Variants in ARHGEF10 observed in about 807,000 individuals in gnomAD.
ARHGEF10 encodes Rho guanine nucleotide exchange factor 10, also known as Rho guanine nucleotide exchange factor (GEF) 10.
In ARHGEF10, 140 loss-of-function variants were observed where a neutral mutation model predicts 147.4. The ratio of observed to expected loss-of-function variants is 0.95; its 90% CI spans 0.83 to 1.09. The LOEUF (loss-of-function observed/expected upper bound fraction) is 1.09, where lower values mean the gene tolerates loss of function less well. ARHGEF10 is among the 50% of genes least tolerant of loss of function. The pLI, the probability that ARHGEF10 is intolerant of heterozygous loss-of-function variation, is 0.00. For synonymous variants in ARHGEF10, 902 were observed against 695.8 expected, an observed-to-expected ratio of 1.30 and a Z score of -4.67; for missense variants, 2,222 against 1,752.7, an observed-to-expected ratio of 1.27 and a Z score of -4.78.
rs1232283984 is a variant in ARHGEF10 at position 1,957,175 on chromosome 8, G to A, written c.3947G>A (p.Arg1316His). 23 of 1,612,374 alleles carry A rather than the reference G, an allele frequency of 1.4e-5. No individual in the cohort carries two copies. The highest frequency in any genetic ancestry group is 1.8e-5 in the Non-Finnish European group (21 of 1,179,982). The change falls in exon 29 of 29, where the codon CGC becomes CAC. Residue 1316 changes from arginine to histidine, a missense_variant. Coordinates refer to ENST00000349830, the MANE Select transcript of ARHGEF10 (RefSeq NM_014629.4). Reference sequence around the variant, plus strand: ...GTGGTCTGTGGAGGGCAGGGCCACCGCCGGGTGCACAGGAAGGCCCGGCAG... The same window carrying A: ...GTGGTCTGTGGAGGGCAGGGCCACCACCGGGTGCACAGGAAGGCCCGGCAG... ...ALVVCGGQGH[R>H]RVHRKARQPH... is the part of the protein sequence containing the mutation.
chr8:1,918,922 A>C (rs773595610), intron 18 of ARHGEF10, among the ~76,000 whole-genome samples: 2 of 146,352 alleles, frequency 1.4e-5, no homozygotes, highest in East Asian at 4.1e-4. Flanking sequence ...GTGTTCTGTG[A>C]GTGATGGAGT....
Position 1,925,312 on chromosome 8 carries a change from G to C in ARHGEF10, c.2518G>C (p.Val840Leu), listed in dbSNP as rs1482523678. Residue 840 changes from valine (V) to leucine (L), a missense_variant, in exon 22 of 29, where the codon GTG becomes CTG. Val to Leu is a conservative substitution (Grantham distance 32, BLOSUM62 1). Coordinates refer to ENST00000349830, the MANE Select transcript of ARHGEF10 (RefSeq NM_014629.4). The stretch of plus-strand genomic sequence containing the variant: ...GGAGAACCACATGGGCTGGTTCTGT[G>C]TGGAAGACGATGGGAATCACATTAA... ...EEENHMGWFC[V>L]EDDGNHIKKE... 2 of 1,614,220 alleles carry C rather than the reference G, an allele frequency of 1.2e-6. No homozygotes were observed. The highest frequency in any genetic ancestry group is 3.3e-5 in the Admixed American group (2 of 60,036).
intron 2 of ARHGEF10, among the ~76,000 whole-genome samples, chr8:1,855,765 A>G (rs1805504251): frequency 6.6e-6 from 1 of 152,166 alleles, no homozygotes. Context: ...TTTATTTGGC[A>G]AACATGATTT....
chr8:1,860,687 G>A (rs1806056804), intron 4 of ARHGEF10, among the ~76,000 whole-genome samples: 1 of 152,150 alleles, frequency 6.6e-6, no homozygotes, highest in African/African-American at 2.4e-5. Context: ...CATGTCTGGG[G>A]TGCCTTGAAC....
intron 4 of ARHGEF10, among the ~76,000 whole-genome samples, chr8:1,860,399 C>T (rs1037332920): frequency 6.8e-6 from 1 of 147,676 alleles, no homozygotes; most frequent in Non-Finnish European, 1.5e-5. Context: ...CCCCCCTCCT[C>T]CTCCTCTCCA....
chr8:1,879,401 G>T (rs909755062), intron 8 of ARHGEF10, among the ~76,000 whole-genome samples: 1 of 152,080 alleles, frequency 6.6e-6, no homozygotes, highest in Non-Finnish European at 1.5e-5. Context: ...TTATTTATTG[G>T]ATAATTTTTA....
chr8:1,837,881 A>G (rs1286731934), intron 1 of ARHGEF10, among the ~76,000 whole-genome samples: 1 of 152,120 alleles, frequency 6.6e-6, no homozygotes, highest in Non-Finnish European at 1.5e-5. Context: ...CCTCATGGTG[A>G]GTCAAGGTGG....
At chr8:1,854,646 T>A (rs560984873) in intron 2 of ARHGEF10, among the ~76,000 whole-genome samples, 1 of 152,174 alleles carries the variant, frequency 6.6e-6, no homozygotes, top group Non-Finnish European at 1.5e-5. Context: ...AGATTTAAAC[T>A]TTTGGAGGAA....
intron 12 of ARHGEF10, 56 bp downstream of exon 12, chr8:1,893,702 T>C (rs922088647): frequency 1.5e-5 from 20 of 1,347,460 alleles, no homozygotes; most frequent in Non-Finnish European, 2.1e-5. Flanking sequence ...TTTTTACCTA[T>C]ATACATTTTG....
chr8:1,885,311 C>A (rs1808563881), intron 10 of ARHGEF10, among the ~76,000 whole-genome samples: 1 of 152,116 alleles, frequency 6.6e-6, no homozygotes, highest in Non-Finnish European at 1.5e-5. Flanking sequence ...CACTAAGATT[C>A]CAAAATATTG....
At chr8:1,834,956 C>T (rs1000226851) in intron 1 of ARHGEF10, among the ~76,000 whole-genome samples, 2 of 152,234 alleles carry the variant, frequency 1.3e-5, no homozygotes, top group African/African-American at 4.8e-5. Flanking sequence ...GGGGCCACTT[C>T]ACCCCCAGGT....
intron 25 of ARHGEF10, among the ~76,000 whole-genome samples, chr8:1,930,868 C>G (rs1813082974): frequency 6.6e-6 from 1 of 152,240 alleles, no homozygotes. Context: ...CCTGTCTCGT[C>G]CCTCAGCCAT....
intron 11 of ARHGEF10, among the ~76,000 whole-genome samples, chr8:1,886,161 A>G (rs1379135695): frequency 6.6e-6 from 1 of 152,204 alleles, no homozygotes; most frequent in Non-Finnish European, 1.5e-5. Context: ...TAAAAATCTG[A>G]TACTCAGTAG....
chr8:1,913,596 ATCTACCTGGTCCAATACCAGCG>A (rs1387334305), intron 18 of ARHGEF10, among the ~76,000 whole-genome samples: 1 of 152,202 alleles, frequency 6.6e-6, no homozygotes, highest in African/African-American at 2.4e-5. Flanking sequence ...TTGGACCAGC[ATCTACCTGGTCCAATACCAGCG>A]TCCCGTCCCT....
intron 18 of ARHGEF10, among the ~76,000 whole-genome samples, chr8:1,919,079 A>C (rs1227125459): frequency 2.4e-5 from 3 of 124,140 alleles, no homozygotes; most frequent in Non-Finnish European, 3.3e-5. Context: ...GAGCTGTTCC[A>C]GGGGTGATGG....
chr8:1,878,210 A>G (rs1444990812), intron 8 of ARHGEF10, among the ~76,000 whole-genome samples: 2 of 151,820 alleles, frequency 1.3e-5, no homozygotes, highest in African/African-American at 4.8e-5. Context: ...TTTTTCTTTG[A>G]AATGGAGTCT....
chr8:1,857,684 C>G (rs9720903), intron 2 of ARHGEF10, among the ~76,000 whole-genome samples: 1 of 151,202 alleles, frequency 6.6e-6, no homozygotes, highest in Non-Finnish European at 1.5e-5. Context: ...TCCCAAAGTG[C>G]TGGGATTACA....
At position 1,908,265 on chromosome 8, in the gene ARHGEF10, C is replaced by G. The variant is rs552886985; in HGVS notation, c.1968-1030C>G. On this transcript the variant is annotated intron_variant, in intron 17 of 28. Coordinates refer to ENST00000349830, the MANE Select transcript of ARHGEF10 (RefSeq NM_014629.4). ...TTTTTTTTTGAGAAAGAGTCTCGCT[C>G]TGTCACCCAGGCTGGAGTGCTGTGG... Among the ~76,000 whole-genome samples, 8 of 133,538 alleles carry G rather than the reference C, an allele frequency of 6.0e-5. No homozygotes were observed. In the East Asian group the frequency reaches 1.1e-3, roughly 18 times the overall value. 87.6% of individuals were successfully genotyped at this position (133,538 alleles called of 152,430 possible).
chr8:1,861,219 G>A (rs563172483), intron 4 of ARHGEF10, among the ~76,000 whole-genome samples: 6 of 152,368 alleles, frequency 3.9e-5, no homozygotes, highest in South Asian at 2.1e-4. Context: ...GGTGGAGCCC[G>A]TTCTCTGCTG....
Sources: gnomAD v4.1 joint callset for allele counts (sites outside exome capture counted in the v4.1 genomes callset) on GRCh38, gnomAD v4.1.1 for gene constraint, MANE v1.5 for transcripts, NCBI Gene and HGNC (gene_info 2026-07-23, HGNC 2026-07-21) for gene names.